MYCBP2: variants seen among roughly 807,000 people sequenced by gnomAD.
The protein encoded by MYCBP2 is MYC binding protein 2.
Under a neutral mutation model 525.3 loss-of-function variants are expected in MYCBP2, and 120 were observed. The ratio of observed to expected loss-of-function variants is 0.23; its 90% confidence interval spans 0.20 to 0.27. The LOEUF (loss-of-function observed/expected upper bound fraction) is 0.27. MYCBP2 is among the 10% of genes least tolerant of loss of function. MYCBP2 has a pLI of 1.00. For synonymous variants in MYCBP2, 1,894 were observed against 1,955.8 expected (o/e 0.97, Z 0.83); for missense variants, 4,149 against 5,657.1 (o/e 0.73, Z 8.55).
At chr13:77,083,520 G>T (rs1809521826) in intron 62 of MYCBP2, among the ~76,000 whole-genome samples, 1 of 151,638 alleles carries the variant, frequency 6.6e-6, no homozygotes, top group South Asian at 2.1e-4. Flanking sequence ...TATGTGTATG[G>T]ATATATACAC....
At chr13:77,235,234 G>A (rs2067731296) in intron 17 of MYCBP2, among the ~76,000 whole-genome samples, 1 of 152,028 alleles carries the variant, frequency 6.6e-6, no homozygotes. Context: ...TACAATAAAT[G>A]CTATAAAAGA....
intron 82 of MYCBP2, among the ~76,000 whole-genome samples, chr13:77,046,142 A>G (rs930565706): frequency 2.0e-5 from 3 of 152,236 alleles, no homozygotes; most frequent in Non-Finnish European, 4.4e-5. Flanking sequence ...TAATCAAAGT[A>G]GGCCTATCAA....
rs541728358 is a variant in MYCBP2, at chr13:77,248,153, A to AG, written c.2381+2997_2381+2998insC. On this transcript the variant is annotated intron_variant, in intron 15 of 82. Transcript: ENST00000544440. ...ACTTAAAGTATAATCAAAAAAAAAA[A>AG]AAGAAGAAGAAAAGATAACAGTAAC... Among the ~76,000 whole-genome samples the AG allele has an allele frequency of 2.2e-4, 33 of 151,350 alleles. No homozygotes were observed. In the South Asian group the frequency reaches 3.8e-3, roughly 17 times the overall value.
At position 77,267,886 on chromosome 13, in the gene MYCBP2, T is replaced by C. The variant is rs111239264; in HGVS notation, c.1312A>G (p.Ile438Val). ...TCTTGCTCCAGTGTTTCAGGGCTTA[T>C]CCTTATGGCTGTCATGCTGTGGTTA... is the stretch of plus-strand genomic sequence containing the variant. The part of the protein sequence containing the change: ...VNNHSMTAIR[I>V]SPETLEQDGT... Residue 438 changes from isoleucine to valine, a missense_variant, in exon 8 of 83, where the codon ATA (isoleucine) becomes GTA (valine). By Grantham distance (29) the Ile-to-Val change is conservative. This residue lies in a region of MYCBP2 where 262 missense variants were observed against 419.3 expected (regional missense o/e 0.62). Coordinates refer to ENST00000544440, the MANE Select transcript of MYCBP2 (RefSeq NM_015057.5). 8 of 1,613,932 alleles carry C rather than the reference T, an allele frequency of 5.0e-6. No individual in the cohort carries two copies. The highest frequency in any genetic ancestry group is 6.8e-6 in the Non-Finnish European group (8 of 1,179,928).
intron 13 of MYCBP2, among the ~76,000 whole-genome samples, chr13:77,259,543 AATTTTG>A (rs1179713630): frequency 6.6e-6 from 1 of 152,184 alleles, no homozygotes; most frequent in East Asian, 1.9e-4. Flanking sequence ...CCCACTCCCA[AATTTTG>A]ATTTACTCTG....
intron 65 of MYCBP2, among the ~76,000 whole-genome samples, chr13:77,079,138 T>A (rs1395133192): frequency 3.9e-5 from 6 of 152,128 alleles, no homozygotes; most frequent in Non-Finnish European, 8.8e-5. Context: ...ACATTCCCTC[T>A]CCTTATTCAA....
In MYCBP2 at chr13:77,301,765, G is replaced by T. The variant is rs147143036; in HGVS notation, c.303-5091C>A. Among the ~76,000 whole-genome samples, 639 of 152,194 alleles carry T rather than the reference G, an allele frequency of 4.2e-3. 4 individuals are homozygous for T. Among genetic ancestry groups the T allele is most frequent in the African/African-American group, 0.014 (602 of 41,518 alleles). ...ATTAGTCAGACTCACAGAAAACCCA[G>T]ATATTAACGTTAGGAGGCAAGTACC... On this transcript the variant is annotated intron_variant, in intron 1 of 82. Transcript: ENST00000544440.
Position 77,064,719 on chromosome 13 carries a change from C to T in MYCBP2, c.12568G>A (p.Ala4190Thr), listed in dbSNP as rs779848565. The T allele has an allele frequency of 6.2e-7, 1 of 1,613,778 alleles. No individual in the cohort carries two copies. Among genetic ancestry groups the T allele is most frequent in the Non-Finnish European group, 8.5e-7 (1 of 1,179,778 alleles). Residue 4190 changes from alanine to threonine, a missense_variant, in exon 73 of 83, where the codon GCT (alanine) becomes ACT (threonine). Coordinates refer to ENST00000544440, the MANE Select transcript of MYCBP2 (RefSeq NM_015057.5). ...KDMAAGHLSE[A>T]WSRVTKNAIA... ...GCATTTTTTGTCACTCGGGACCAAG[C>T]TTCTGACAGATGACCCTATTGAGCA...
intron 69 of MYCBP2, among the ~76,000 whole-genome samples, chr13:77,069,723 C>G (rs1283264922): frequency 6.8e-6 from 1 of 147,626 alleles, no homozygotes; most frequent in Non-Finnish European, 1.5e-5. Flanking sequence ...AAAAAATTAG[C>G]CAGCCGTGGT....
Position 77,212,975 on chromosome 13 carries a change from G to A in MYCBP2, c.3058-815C>T, listed in dbSNP as rs148333398. Among the ~76,000 whole-genome samples, 330 of 152,194 alleles carry A rather than the reference G, an allele frequency of 2.2e-3. 1 individual carries two copies. Among genetic ancestry groups the A allele is most frequent in the Middle Eastern group, 3.4e-3 (1 of 294 alleles). On this transcript the variant is annotated intron_variant, in intron 21 of 82. Transcript: ENST00000544440. Reference sequence around the variant, plus strand: ...GGAGCACTGCGAACACTCTGGTCACGTTCTCATCCAACCACCAGGTAGCAC... The same window carrying A: ...GGAGCACTGCGAACACTCTGGTCACATTCTCATCCAACCACCAGGTAGCAC...
rs375467184 is a variant in MYCBP2 at position 77,205,460 on chromosome 13, G to T, written c.3715+13C>A. The T allele has an allele frequency of 6.2e-7, 1 of 1,612,148 alleles. No individual in the cohort carries two copies. The highest frequency in any genetic ancestry group is 8.5e-7 in the Non-Finnish European group (1 of 1,179,340). ...GTTGTAAGACAACATTTCCTAAACC[G>T]AAGTATACATACTTTCAAACCTGTT... On this transcript the variant is annotated intron_variant, in intron 25 of 82. Coordinates refer to ENST00000544440, the MANE Select transcript of MYCBP2 (RefSeq NM_015057.5).
chr13:77,050,010 CT>C (rs1034003775), intron 82 of MYCBP2, among the ~76,000 whole-genome samples: 13 of 149,692 alleles, frequency 8.7e-5, no homozygotes, highest in South Asian at 2.1e-4. Context: ...CATCCTCACT[CT>C]TTTTTTTTTT....
rs147354596 is a variant in MYCBP2, at chr13:77,254,487, C to T, written c.2177-3132G>A. ...AATAAACTTTTAAAATATTCCTTTA[C>T]GTTCGTTTTAAATTGATACATAACT... On this transcript the variant is annotated intron_variant, in intron 14 of 82. Transcript: ENST00000544440. Among the ~76,000 whole-genome samples, 528 of 151,716 alleles carry T rather than the reference C, an allele frequency of 3.5e-3. 1 individual carries two copies. The highest frequency in any genetic ancestry group is 6.4e-3 in the Non-Finnish European group (432 of 67,728).
intron 24 of MYCBP2, among the ~76,000 whole-genome samples, 178 bp from the exon 25 acceptor site, chr13:77,205,776 T>C (rs192795446): frequency 2.6e-5 from 4 of 152,186 alleles, no homozygotes. Flanking sequence ...CCTTGTCTGA[T>C]TAATGATCAT....
chr13:77,214,176 A>C (rs557579887), intron 21 of MYCBP2, among the ~76,000 whole-genome samples: 66 of 152,352 alleles, frequency 4.3e-4, no homozygotes, highest in Non-Finnish European at 3.7e-4. Context: ...AAGGTACCAC[A>C]ACACATTCTG....
At chr13:77,257,567 G>C in intron 14 of MYCBP2, 104 bp downstream of exon 14, 1 of 1,170,926 alleles carries the variant, frequency 8.5e-7, no homozygotes, top group South Asian at 2.3e-5. Flanking sequence ...AAAAGAAAAA[G>C]AAGAGCCACT....
At chr13:77,229,968 C>G (rs2066904805) in intron 18 of MYCBP2, among the ~76,000 whole-genome samples, 1 of 152,166 alleles carries the variant, frequency 6.6e-6, no homozygotes, top group Non-Finnish European at 1.5e-5. Flanking sequence ...ACTATTAACA[C>G]ATTTTTCTGT....
intron 52 of MYCBP2, among the ~76,000 whole-genome samples, chr13:77,132,718 T>C (rs1012791253): frequency 1.3e-5 from 2 of 152,102 alleles, no homozygotes; most frequent in African/African-American, 4.8e-5. Flanking sequence ...AAGAATTGGG[T>C]GTGTAAGTTT....
At chr13:77,080,031 C>T (rs1441418982) in intron 65 of MYCBP2, among the ~76,000 whole-genome samples, 7 of 152,120 alleles carry the variant, frequency 4.6e-5, no homozygotes, top group African/African-American at 1.7e-4. Context: ...TAAAATGTAC[C>T]ATGAGCCAAA....
Sources: allele counts gnomAD v4.1 joint callset (sites outside exome capture counted in the v4.1 genomes callset), GRCh38; gene constraint gnomAD v4.1.1; regional missense constraint gnomAD v4.1.1; transcripts MANE v1.5; gene names NCBI Gene and HGNC (gene_info 2026-07-23, HGNC 2026-07-21).